Variants in DDHD2 observed in about 807,000 individuals in gnomAD.
DDHD2 encodes the protein DDHD domain containing 2.
DDHD2 carries 62 observed loss-of-function variants against 91.2 expected under a neutral mutation model. The observed-to-expected ratio is 0.68, with a 90% CI of 0.55 to 0.84. The LOEUF is 0.84. DDHD2 is among the 40% of genes least tolerant of loss of function. The pLI is 0.00. For missense variants in DDHD2, 740 were observed against 846.9 expected (o/e 0.87, Z 1.57); for synonymous variants, 271 against 293.9 (o/e 0.92, Z 0.80).
chr8:38,238,701 A>G (rs1805000320), intron 5 of DDHD2: 5 of 963,646 alleles, frequency 5.2e-6, no homozygotes, highest in Non-Finnish European at 6.2e-6. Flanking sequence ...GTAATTTAAA[A>G]AGATGAGTTT....
chr8:38,244,775 A>G (rs1042355457), intron 7 of DDHD2, among the ~76,000 whole-genome samples: 2 of 140,606 alleles, frequency 1.4e-5, no homozygotes, highest in African/African-American at 2.7e-5. Flanking sequence ...TCTGTTGGAC[A>G]GACTGGTCTC....
At chr8:38,237,256 A>G (rs1804861153) in intron 3 of DDHD2, among the ~76,000 whole-genome samples, 1 of 151,956 alleles carries the variant, frequency 6.6e-6, no homozygotes, top group African/African-American at 2.4e-5. Flanking sequence ...GGTGCCTGTA[A>G]TCCCAGCTAC....
chr8:38,256,893 G>A (rs1196638120), intron 16 of DDHD2, among the ~76,000 whole-genome samples: 3 of 152,148 alleles, frequency 2.0e-5, no homozygotes, highest in Non-Finnish European at 4.4e-5. Context: ...GTGTTTGAGA[G>A]TTTCAGTTGC....
chr8:38,240,134 G>A (rs1344249539), intron 5 of DDHD2, 141 bp from the exon 6 acceptor site: 3 of 413,326 alleles, frequency 7.3e-6, no homozygotes, highest in African/African-American at 4.1e-5. Context: ...TTTTTGCTAG[G>A]TACTTAAAGG....
chr8:38,266,567 A>T, downstream of DDHD2: 1 of 315,590 alleles, frequency 3.2e-6, no homozygotes, highest in Non-Finnish European at 5.9e-6. Context: ...TGCCCAGCTA[A>T]TTTTTTTATT....
intron 1 of DDHD2, chr8:38,269,357 A>C: frequency 2.6e-6 from 2 of 761,696 alleles, no homozygotes; most frequent in Non-Finnish European, 3.8e-6. Flanking sequence ...CGTCTGGCAA[A>C]GGGTACGCAA....
rs1286508981 is a variant in DDHD2, at chr8:38,237,551, T to G, written c.425T>G (p.Leu142Arg). 6.3e-7 allele frequency: 1 copy of G among 1,583,548 alleles called. No homozygotes were observed. The highest frequency in any genetic ancestry group is 8.6e-7 in the Non-Finnish European group (1 of 1,160,252). Residue 142 changes from leucine to arginine, a missense_variant, in exon 4 of 18, where the codon CTT becomes CGT. Physicochemically the swap from Leu to Arg is moderately radical, Grantham distance 102. Transcript: ENST00000397166. Reference sequence around the variant, plus strand: ...TTTTCTTTTAAGGAAACTTACATGCTTGCTGTAACTTTGGATGAATGGAAA... The same window carrying G: ...TTTTCTTTTAAGGAAACTTACATGCGTGCTGTAACTTTGGATGAATGGAAA... Reference protein sequence around the residue: ...FSQVLEETYMLAVTLDEWKKK... With the variant: ...FSQVLEETYMRAVTLDEWKKK...
At chr8:38,233,513 G>A (rs1804455926) in intron 2 of DDHD2, among the ~76,000 whole-genome samples, 1 of 151,962 alleles carries the variant, frequency 6.6e-6, no homozygotes, top group East Asian at 1.9e-4. Flanking sequence ...TGAACTCCTA[G>A]GTTCAAGCAA....
intron 5 of DDHD2, among the ~76,000 whole-genome samples, chr8:38,240,023 G>A (rs1469069475): frequency 2.0e-5 from 3 of 151,416 alleles, no homozygotes; most frequent in Admixed American, 2.0e-4. Flanking sequence ...GCGCCCAGCC[G>A]AGTTTTCTTT....
At chr8:38,246,871 G>C (rs919242754) in intron 9 of DDHD2, 2 of 152,450 alleles carry the variant, frequency 1.3e-5, no homozygotes, top group Admixed American at 6.5e-5. Flanking sequence ...TGTTAATAGA[G>C]TTATGGAATC....
chr8:38,255,078 C>A (rs533583208), intron 16 of DDHD2, among the ~76,000 whole-genome samples: 1 of 151,794 alleles, frequency 6.6e-6, no homozygotes, highest in Non-Finnish European at 1.5e-5. Flanking sequence ...GCCTGTAGTC[C>A]CAGCTACTAG....
chr8:38,244,014 G>A (rs1311092872), intron 7 of DDHD2, among the ~76,000 whole-genome samples: 1 of 151,708 alleles, frequency 6.6e-6, no homozygotes, highest in African/African-American at 2.4e-5. Context: ...CGTTGGTCAG[G>A]CTGGTCTCGA....
Position 38,245,844 on chromosome 8 carries a change from G to A in DDHD2, c.951G>A (p.Gln317=), listed in dbSNP as rs1467992635. 6.2e-7 allele frequency: 1 copy of A among 1,614,054 alleles called. No individual in the cohort carries two copies. Among genetic ancestry groups the A allele is most frequent in the African/African-American group, 1.3e-5 (1 of 74,926 alleles). ...VFFYNSPTYC[Q]TIVDTVASEM... The stretch of plus-strand genomic sequence containing the variant: ...TCTACAATAGTCCCACCTACTGTCA[G>A]ACTATTGTGGACACAGTTGCTTCTG... Residue 317 remains glutamine (Q), a synonymous_variant, in exon 8 of 18, where the codon CAG becomes CAA. Coordinates refer to ENST00000397166, the MANE Select transcript of DDHD2 (RefSeq NM_015214.3).
intron 5 of DDHD2, chr8:38,239,180 C>G (rs1805042253): frequency 6.6e-6 from 1 of 151,722 alleles, no homozygotes; most frequent in East Asian, 1.9e-4. Context: ...TCGAGACCAG[C>G]CTGGGCAATA....
chr8:38,242,523 T>G lies in DDHD2; in HGVS notation c.848+138T>G. ...AGATATGCTATTAAATGCTGATCAG[T>G]CCCTTGGTTTAATTAGCCCTGGTTA... On this transcript the variant is annotated intron_variant, in intron 7 of 17. Transcript: ENST00000397166. 3.3e-6 allele frequency: 3 copies of G among 907,036 alleles called. No homozygotes were observed. The South Asian group carries it at 5.3e-5, about 16-fold the overall frequency. 56.2% of individuals were successfully genotyped at this position (907,036 alleles called of 1,614,324 possible).
chr8:38,248,580 A>T (rs1805840280), intron 10 of DDHD2, among the ~76,000 whole-genome samples: 1 of 152,102 alleles, frequency 6.6e-6, no homozygotes, highest in South Asian at 2.1e-4. Context: ...TACAATAAGT[A>T]AGTAGGAAAA....
At chr8:38,259,490 A>G (rs756080509) in intron 16 of DDHD2, among the ~76,000 whole-genome samples, 6 of 151,886 alleles carry the variant, frequency 4.0e-5, no homozygotes, top group Non-Finnish European at 7.4e-5. Flanking sequence ...GGTTCAAGCA[A>G]TTCTTCTGCC....
At chr8:38,268,625 C>T in intron 1 of DDHD2, 2 of 1,439,358 alleles carry the variant, frequency 1.4e-6, no homozygotes, top group South Asian at 3.0e-5. Flanking sequence ...CAGCAGCGCC[C>T]GTGCGGCTCG....
chr8:38,247,128 T>C (rs1805695883), intron 9 of DDHD2: 1 of 150,904 alleles, frequency 6.6e-6, no homozygotes, highest in South Asian at 2.1e-4. Context: ...TTCTTTTTTT[T>C]CTTTCTTTTT....
Sources: gnomAD v4.1 joint callset for allele counts (sites outside exome capture counted in the v4.1 genomes callset) on GRCh38, gnomAD v4.1.1 for gene constraint, MANE v1.5 for transcripts, NCBI Gene and HGNC (gene_info 2026-07-23, HGNC 2026-07-21) for gene names.